The following PWWP2A variants were observed in gnomAD, a reference collection of about 807,000 sequenced individuals.
PWWP2A encodes the protein PWWP domain containing 2A, also known as PWWP domain-containing protein 2A.
A neutral mutation model predicts 48.5 loss-of-function variants in PWWP2A; 18 were observed. That is an observed-to-expected ratio of 0.37 (90% CI 0.26 to 0.55). The LOEUF is 0.55. Ranked by LOEUF, PWWP2A falls within the 20% of genes least tolerant of loss-of-function variation. PWWP2A has a pLI of 0.81. For missense variants in PWWP2A, 867 were observed against 976.4 expected (o/e 0.89, Z 1.49); for synonymous variants, 396 against 387.7 (o/e 1.02, Z -0.25).
downstream of PWWP2A, among the ~76,000 whole-genome samples, chr5:160,088,315 C>A (rs1754801946): frequency 6.6e-6 from 1 of 152,170 alleles, no homozygotes; most frequent in Non-Finnish European, 1.5e-5. Context: ...ATTCTCCTGA[C>A]TCAGCCTCTC....
chr5:160,055,846 G>A, the PWWP2A span, among the ~76,000 whole-genome samples: 1 of 152,346 alleles, frequency 6.6e-6, no homozygotes, highest in African/African-American at 2.4e-5. Context: ...TTGTGTTGTA[G>A]CTGCAGCAGA....
chr5:160,085,653 C>A (rs554434020), intron 2 of PWWP2A, among the ~76,000 whole-genome samples: 25 of 151,628 alleles, frequency 1.6e-4, no homozygotes, highest in African/African-American at 5.8e-4. Flanking sequence ...ATTACAGGTG[C>A]GTGCCAGCAT....
At chr5:160,089,733 T>C (rs1754917669), downstream of PWWP2A, 8 of 1,229,978 alleles carry the variant, frequency 6.5e-6, no homozygotes, top group South Asian at 7.2e-5. Flanking sequence ...CAATCCTTTG[T>C]TTTAGCCACG....
downstream of PWWP2A, among the ~76,000 whole-genome samples, chr5:160,088,065 G>T (rs1374300258): frequency 2.0e-5 from 3 of 152,028 alleles, no homozygotes; most frequent in Admixed American, 6.6e-5. Context: ...TTGAATGAAG[G>T]AATACAGTAA....
At chr5:160,073,177 C>T (rs555747466), downstream of PWWP2A, among the ~76,000 whole-genome samples, 24 of 152,076 alleles carry the variant, frequency 1.6e-4, no homozygotes, top group Non-Finnish European at 2.4e-4. Context: ...ATAACAGAAT[C>T]CATGTCTCCT....
At chr5:160,063,237 C>T (rs1285338660) in intron 5 of PWWP2A, among the ~76,000 whole-genome samples, 3 of 152,084 alleles carry the variant, frequency 2.0e-5, no homozygotes, top group Non-Finnish European at 4.4e-5. Flanking sequence ...AAAGGCCATG[C>T]GTTTTTTTTG....
chr5:160,093,975 G>T lies in PWWP2A; in HGVS notation c.675C>A (p.Phe225Leu), dbSNP rs760754386. The stretch of plus-strand genomic sequence containing the variant: ...CACACTTGACTTCTGTCCCTTCTTG[G>T]AATGTATTACTTTGGAGCGGCATGG... ...PEAMPLQSNT[F>L]QEGTEVKCEA... The change falls in exon 2 of 2, where the codon TTC (phenylalanine) becomes TTA (leucine). Residue 225 changes from phenylalanine (F) to leucine (L), a missense_variant. Phe to Leu is a conservative substitution (Grantham distance 22). Transcript: ENST00000307063. The surrounding 1 kb of genome is among the most constrained non-coding windows in gnomAD (Gnocchi z 5.8). The T allele has an allele frequency of 6.2e-7, 1 of 1,613,892 alleles. No homozygotes were observed. Among genetic ancestry groups the T allele is most frequent in the Non-Finnish European group, 8.5e-7 (1 of 1,179,904 alleles).
rs146920805 is a variant in PWWP2A at position 160,079,013 on chromosome 5, C to G, written c.1670-845G>C. On this transcript the variant is annotated intron_variant, in intron 3 of 3. Transcript: ENST00000456329. ...AAGCCCACTGAAACCCTCTACAATC[C>G]CTGATTATGCCTCTCAAACCTGGAA... Among the ~76,000 whole-genome samples the G allele has an allele frequency of 1.9e-3, 295 of 152,198 alleles. 7 individuals are homozygous for G. The East Asian group carries it at 0.049, about 25-fold the overall frequency.
Position 160,093,005 on chromosome 5 carries a change from G to T in PWWP2A, c.1645C>A (p.Gln549Lys). The change falls in exon 2 of 2, where the codon CAG becomes AAG. Residue 549 changes from glutamine (Q) to lysine (K), a missense_variant. Around this residue, in one of 4 missense-constraint regions of PWWP2A, gnomAD observed 382 missense variants for 407.2 expected, o/e 0.94. Transcript: ENST00000307063. This position sits in a 1 kb window ranked among gnomAD's most constrained non-coding sequence, Gnocchi z 5.8. ...DTNEVHVPGDQDEPQTLGKKG... is the reference protein window; with the variant it reads ...DTNEVHVPGDKDEPQTLGKKG... ...TTGCCCAATGTCTGTGGTTCATCCTGATCACCAGGCACATGCACTTCATTT... is the reference window on the plus strand; with the variant it reads ...TTGCCCAATGTCTGTGGTTCATCCTTATCACCAGGCACATGCACTTCATTT... 1 of 1,582,948 alleles carries T rather than the reference G, an allele frequency of 6.3e-7. No individual in the cohort carries two copies.
At chr5:160,064,947 T>C (rs200788493) in intron 4 of PWWP2A, 3 of 1,611,484 alleles carry the variant, frequency 1.9e-6, no homozygotes, top group Non-Finnish European at 2.5e-6. Flanking sequence ...TTAAAAGATC[T>C]TGGGAACTTG....
At chr5:160,058,960 T>C (rs776351856), downstream of PWWP2A, among the ~76,000 whole-genome samples, 5 of 152,226 alleles carry the variant, frequency 3.3e-5, no homozygotes, top group Non-Finnish European at 5.9e-5. Flanking sequence ...ATAGATGTGC[T>C]GTCATCCAGG....
the PWWP2A span, among the ~76,000 whole-genome samples, chr5:160,052,548 CAAAAAAAAAAA>C: frequency 3.7e-4 from 25 of 68,094 alleles, no homozygotes; most frequent in East Asian, 1.4e-3. Context: ...TCTATTTTAG[CAAAAAAAAAAA>C]AAAAAAAAAA....
intron 1 of PWWP2A, among the ~76,000 whole-genome samples, chr5:160,111,176 T>C (rs1290608466): frequency 1.3e-5 from 2 of 151,942 alleles, no homozygotes; most frequent in East Asian, 1.9e-4. Context: ...AAAATATATA[T>C]ATTTTTTTGA....
intron 1 of PWWP2A, chr5:160,116,586 T>C (rs1234215571): frequency 6.4e-6 from 5 of 779,994 alleles, no homozygotes; most frequent in Non-Finnish European, 7.8e-6. Flanking sequence ...ACTGATAGCA[T>C]GAGACCAAAA....
the PWWP2A span, among the ~76,000 whole-genome samples, chr5:160,050,910 G>A: frequency 6.6e-6 from 1 of 151,670 alleles, no homozygotes; most frequent in Non-Finnish European, 1.5e-5. Context: ...ATGGGCAGGA[G>A]TCACTGCACC....
chr5:160,065,680 T>G (rs1020021738), intron 4 of PWWP2A: 1 of 278,698 alleles, frequency 3.6e-6, no homozygotes, highest in Non-Finnish European at 7.1e-6. Context: ...TTTTGTTGCC[T>G]TGAAGATTTA....
At chr5:160,050,669 A>G in the PWWP2A span, among the ~76,000 whole-genome samples, 1 of 141,496 alleles carries the variant, frequency 7.1e-6, no homozygotes, top group East Asian at 2.1e-4. Flanking sequence ...TCTGACTCCC[A>G]GGCTGGAGAG....
the PWWP2A span, among the ~76,000 whole-genome samples, chr5:160,055,359 G>C: frequency 6.6e-6 from 1 of 152,186 alleles, no homozygotes; most frequent in African/African-American, 2.4e-5. Context: ...GGCTGCATGG[G>C]CTACTTTTCA....
At chr5:160,056,515 A>G in the PWWP2A span, among the ~76,000 whole-genome samples, 1 of 152,132 alleles carries the variant, frequency 6.6e-6, no homozygotes, top group South Asian at 2.1e-4. Flanking sequence ...CTGCAGTTGA[A>G]GAGTTCAAGA....
Sources: gnomAD v4.1 joint callset for allele counts (sites outside exome capture counted in the v4.1 genomes callset) on GRCh38, gnomAD v4.1.1 for gene constraint, gnomAD v4.1.1 regional missense constraint, Gnocchi (gnomAD v3.1) non-coding constraint, MANE v1.5 for transcripts, NCBI Gene and HGNC (gene_info 2026-07-23, HGNC 2026-07-21) for gene names.